The following MYLK2 variants were observed in gnomAD, a reference collection of about 807,000 sequenced individuals.
MYLK2 encodes myosin light chain kinase 2.
Under a neutral mutation model 58.2 loss-of-function variants are expected in MYLK2, and 27 were observed. That is an observed-to-expected ratio of 0.46 (90% CI 0.34 to 0.64). The LOEUF is 0.64. Among genes scored for constraint, MYLK2 ranks in the 30% least tolerant of loss-of-function variants. The pLI is 0.01. For missense variants in MYLK2, 676 were observed against 764.3 expected, an observed-to-expected ratio of 0.88 and a Z score of 1.36; for synonymous variants, 310 against 296.7, an observed-to-expected ratio of 1.04 and a Z score of -0.46.
Position 31,821,646 on chromosome 20 carries a change from G to A in MYLK2, c.681G>A (p.Gly227=), listed in dbSNP as rs375174392. 2 of 1,614,080 alleles carry A rather than the reference G, an allele frequency of 1.2e-6. No individual in the cohort carries two copies. Among genetic ancestry groups the A allele is most frequent in the East Asian group, 4.5e-5 (2 of 44,878 alleles). ...AGATGCAAGGGGACACCTCGAGGGG[G>A]ATTGAGTTCCAGGCTGTTCCCTCAG... is the stretch of plus-strand genomic sequence containing the variant. ...QAKMQGDTSR[G]IEFQAVPSEK... The change falls in exon 4 of 13, where the codon GGG becomes GGA. Residue 227 remains glycine (G), a synonymous_variant. Transcript: ENST00000375985.
At chr20:31,823,363 A>T in intron 4 of MYLK2, 114 bp from the exon 5 acceptor site, 1 of 896,896 alleles carries the variant, frequency 1.1e-6, no homozygotes, top group South Asian at 1.5e-5. Flanking sequence ...CCCAGGTATC[A>T]CTTGGTGAAC....
At position 31,834,118 on chromosome 20, in the gene MYLK2, C is replaced by T. The variant is rs1467120813; in HGVS notation, c.*321C>T. 6.5e-5 allele frequency: 26 copies of T among 401,228 alleles called. No homozygotes were observed. In the East Asian group the frequency reaches 9.7e-4, roughly 15 times the overall value. 24.9% of individuals were successfully genotyped at this position (401,228 alleles called of 1,614,324 possible). A position where few individuals can be genotyped will look rare whatever the true frequency, so the allele number is the denominator to read the frequency against. ...CCCCAGCTCCTCGTCTTTGAACTGC[C>T]GCCGCCGTGGTGACCCCTGCTTTGC... On this transcript the variant is annotated 3_prime_UTR_variant, in exon 13 of 13. Coordinates refer to ENST00000375985, the MANE Select transcript of MYLK2 (RefSeq NM_033118.4).
chr20:31,833,902 G>A lies in MYLK2; in HGVS notation c.*105G>A, dbSNP rs561622116. 3.7e-5 allele frequency: 39 copies of A among 1,066,522 alleles called. No homozygotes were observed. In the Admixed American group the frequency reaches 5.2e-4, roughly 14 times the overall value. The allele number at this position is 1,066,522 out of a possible 1,614,324, so 66.1% of individuals were successfully genotyped here. A position where few individuals can be genotyped will look rare whatever the true frequency, so the allele number is the denominator to read the frequency against. The stretch of plus-strand genomic sequence containing the variant: ...GCAGCCAGATCCCCAGGGCAGCCTC[G>A]TTAGGACAAGGCTGTGCCAGGCTGG... On this transcript the variant is annotated 3_prime_UTR_variant, in exon 13 of 13. Coordinates refer to ENST00000375985, the MANE Select transcript of MYLK2 (RefSeq NM_033118.4).
intron 8 of MYLK2, 52 bp downstream of exon 8, chr20:31,826,990 G>A: frequency 6.2e-7 from 1 of 1,611,990 alleles, no homozygotes; most frequent in Non-Finnish European, 8.5e-7. Context: ...CCGACCCCCT[G>A]AGATCAGTGC....
chr20:31,823,403 C>A, intron 4 of MYLK2, 74 bp from the exon 5 acceptor site: 1 of 1,374,218 alleles, frequency 7.3e-7, no homozygotes, highest in Non-Finnish European at 1.0e-6. Context: ...CCCAGGCCAG[C>A]AGGAGGGGTG....
At chr20:31,833,284 AG>A (rs957895825) in intron 12 of MYLK2, among the ~76,000 whole-genome samples, 118 of 152,170 alleles carry the variant, frequency 7.8e-4, no homozygotes, top group African/African-American at 2.7e-3. Flanking sequence ...TTCCGGGCAG[AG>A]GGAGTAGCCA....
chr20:31,821,884 C>T (rs2062253916), intron 4 of MYLK2, 147 bp downstream of exon 4: 1 of 660,240 alleles, frequency 1.5e-6, no homozygotes. Context: ...TCACACAACT[C>T]CAGAAAGTAT....
At chr20:31,823,093 A>G (rs2062259625) in intron 4 of MYLK2, among the ~76,000 whole-genome samples, 1 of 152,114 alleles carries the variant, frequency 6.6e-6, no homozygotes, top group Non-Finnish European at 1.5e-5. Context: ...CCCACCACCT[A>G]CCCCATTATT....
intron 4 of MYLK2, among the ~76,000 whole-genome samples, chr20:31,823,232 A>G (rs993706808): frequency 3.3e-5 from 5 of 152,350 alleles, no homozygotes; most frequent in African/African-American, 7.2e-5. Context: ...AAAAAGTCCA[A>G]GCTCCCATCC....
intron 8 of MYLK2, among the ~76,000 whole-genome samples, chr20:31,828,879 T>C (rs1007801386): frequency 2.0e-5 from 3 of 152,030 alleles, no homozygotes; most frequent in African/African-American, 7.2e-5. Flanking sequence ...TAGAGGCTGA[T>C]GGAGTAAGTA....
chr20:31,824,083 G>A (rs553517342), intron 5 of MYLK2, 176 bp from the exon 6 acceptor site: 1 of 985,460 alleles, frequency 1.0e-6, no homozygotes, highest in African/African-American at 1.7e-5. Flanking sequence ...TGTCCTGGCA[G>A]AACAGCTCAC....
rs1316397890 is a variant in MYLK2, at chr20:31,819,612, G to A, written c.32G>A (p.Gly11Glu). The A allele has an allele frequency of 1.5e-5, 24 of 1,551,476 alleles. No individual in the cohort carries two copies. Among genetic ancestry groups the A allele is most frequent in the Non-Finnish European group, 2.0e-5 (23 of 1,147,018 alleles). The part of the protein sequence containing the change: MATENGAVEL[G>E]IQNPSTDKAP... The stretch of plus-strand genomic sequence containing the variant: ...ACAGAAAATGGAGCAGTTGAGCTGG[G>A]AATTCAGAACCCATCAACAGGTGCC... Residue 11 changes from glycine (G) to glutamate (E), a missense_variant, in exon 2 of 13, where the codon GGA becomes GAA. Physicochemically the swap from Gly to Glu is moderately conservative, Grantham distance 98 (BLOSUM62 -2). This residue lies in a region of MYLK2 where 306 missense variants were observed against 296.5 expected (regional missense o/e 1.03). Coordinates refer to ENST00000375985, the MANE Select transcript of MYLK2 (RefSeq NM_033118.4).
intron 6 of MYLK2, chr20:31,824,674 G>A (rs2062269773): frequency 3.0e-6 from 2 of 667,086 alleles, no homozygotes; most frequent in Non-Finnish European, 1.9e-6. Context: ...GGGCACTGGG[G>A]GTCTGGGAGT....
At chr20:31,819,773 C>A in intron 2 of MYLK2, 141 bp downstream of exon 2, 1 of 1,111,512 alleles carries the variant, frequency 9.0e-7, no homozygotes, top group Admixed American at 2.0e-5. Flanking sequence ...TCAGAGGAAT[C>A]TCTGGCTAGG....
intron 8 of MYLK2, among the ~76,000 whole-genome samples, chr20:31,830,367 C>T (rs1381135814): frequency 2.0e-5 from 3 of 152,136 alleles, no homozygotes; most frequent in African/African-American, 7.2e-5. Context: ...TGTGAAGCCC[C>T]GTGTTCCCAA....
intron 12 of MYLK2, among the ~76,000 whole-genome samples, chr20:31,833,206 T>A (rs1358254753): frequency 6.6e-6 from 1 of 152,084 alleles, no homozygotes; most frequent in Non-Finnish European, 1.5e-5. Context: ...AAGGGCTCAC[T>A]GAGAAGCATG....
At chr20:31,830,469 C>T (rs2062300384) in intron 8 of MYLK2, among the ~76,000 whole-genome samples, 1 of 152,166 alleles carries the variant, frequency 6.6e-6, no homozygotes, top group Non-Finnish European at 1.5e-5. Context: ...GGCCCCCCAG[C>T]CTGGGGGCGG....
Position 31,833,856 on chromosome 20 carries a change from C to G in MYLK2, c.*59C>G, listed in dbSNP as rs576740633. On this transcript the variant is annotated 3_prime_UTR_variant, in exon 13 of 13. Coordinates refer to ENST00000375985, the MANE Select transcript of MYLK2 (RefSeq NM_033118.4). The stretch of plus-strand genomic sequence containing the variant: ...CACAGTGGCCGGGGCTGAAGCCACA[C>G]AGCCCAGAAGGCCAGAAAAGGCAGC... The G allele has an allele frequency of 6.6e-7, 1 of 1,524,234 alleles. No homozygotes were observed. The highest frequency in any genetic ancestry group is 9.0e-7 in the Non-Finnish European group (1 of 1,108,238). 94.4% of individuals were successfully genotyped at this position (1,524,234 alleles called of 1,614,324 possible). A position where few individuals can be genotyped will look rare whatever the true frequency, so the allele number is the denominator to read the frequency against.
Position 31,826,864 on chromosome 20 carries a change from A to G in MYLK2, c.1150A>G (p.Met384Val), listed in dbSNP as rs1380167218. The G allele has an allele frequency of 1.9e-6, 3 of 1,614,100 alleles. No individual in the cohort carries two copies. The East Asian group carries it at 6.7e-5, about 36-fold the overall frequency. The part of the protein sequence containing the change: ...EDYHLTEVDT[M>V]VFVRQICDGI... Reference sequence around the variant, plus strand: ...CTACCATCTGACCGAGGTGGACACCATGGTGTTTGTCAGGCAGATCTGTGA... The same window carrying G: ...CTACCATCTGACCGAGGTGGACACCGTGGTGTTTGTCAGGCAGATCTGTGA... Residue 384 changes from methionine to valine, a missense_variant, in exon 8 of 13, where the codon ATG becomes GTG. Met to Val is a conservative substitution (Grantham distance 21). This residue lies in a region of MYLK2 where 370 missense variants were observed against 467.8 expected (regional missense o/e 0.79). Coordinates refer to ENST00000375985, the MANE Select transcript of MYLK2 (RefSeq NM_033118.4).
Sources: allele counts gnomAD v4.1 joint callset (sites outside exome capture counted in the v4.1 genomes callset), GRCh38; gene constraint gnomAD v4.1.1; regional missense constraint gnomAD v4.1.1; transcripts MANE v1.5; gene names NCBI Gene and HGNC (gene_info 2026-07-23, HGNC 2026-07-21).